Variants in TRHDE observed in about 807,000 individuals in gnomAD.
TRHDE encodes the protein thyrotropin-releasing hormone-degrading ectoenzyme.
Under a neutral mutation model 125.7 loss-of-function variants are expected in TRHDE, and 72 were observed. The observed-to-expected ratio is 0.57, with a 90% CI of 0.47 to 0.70. TRHDE has a LOEUF of 0.70. Ranked by LOEUF, TRHDE falls within the 30% of genes least tolerant of loss-of-function variation. The probability of loss-of-function intolerance (pLI) is 0.00; values close to 1 mark genes in which losing one functional copy is unlikely to be tolerated. For synonymous variants in TRHDE, 509 were observed against 509.1 expected (o/e 1.00, Z 0.00); for missense variants, 1,110 against 1,327.1 (o/e 0.84, Z 2.54).
intron 2 of TRHDE, among the ~76,000 whole-genome samples, chr12:72,361,603 G>A (rs1871087002): frequency 6.7e-6 from 1 of 150,026 alleles, no homozygotes; most frequent in African/African-American, 2.5e-5. Flanking sequence ...GGGTACACGT[G>A]CACAATGTGC....
intron 2 of TRHDE, among the ~76,000 whole-genome samples, chr12:72,124,452 G>C (rs993494277): frequency 3.3e-5 from 5 of 152,044 alleles, no homozygotes; most frequent in Non-Finnish European, 7.4e-5. Context: ...AAATAGAGCT[G>C]GGAACAACAG....
chr12:72,136,620 T>C (rs891668398), intron 2 of TRHDE, among the ~76,000 whole-genome samples: 1 of 152,248 alleles, frequency 6.6e-6, no homozygotes, highest in Non-Finnish European at 1.5e-5. Context: ...TAATATTCTA[T>C]GTTCTGCAAT....
intron 2 of TRHDE, among the ~76,000 whole-genome samples, chr12:72,175,367 C>T (rs979831426): frequency 6.6e-6 from 1 of 152,148 alleles, no homozygotes; most frequent in Non-Finnish European, 1.5e-5. Context: ...GTGGTGTTTG[C>T]AAAAGGGCCT....
intron 3 of TRHDE, among the ~76,000 whole-genome samples, chr12:72,445,142 A>T (rs1278712548): frequency 6.6e-6 from 1 of 151,780 alleles, no homozygotes; most frequent in Non-Finnish European, 1.5e-5. Context: ...TCAGACATTG[A>T]GCATGTTGTG....
At chr12:72,524,541 G>A (rs753833076) in intron 6 of TRHDE, among the ~76,000 whole-genome samples, 1 of 152,086 alleles carries the variant, frequency 6.6e-6, no homozygotes, top group African/African-American at 2.4e-5. Flanking sequence ...GTATTCACTT[G>A]TAATACATAT....
chr12:72,163,663 C>T (rs538572153), intron 2 of TRHDE, among the ~76,000 whole-genome samples: 2 of 152,234 alleles, frequency 1.3e-5, no homozygotes, highest in Admixed American at 6.5e-5. Context: ...TATGTTTGTT[C>T]TGATAACTGA....
chr12:72,365,692 TTGAAAATCTAATCCGAAGCAG>T (rs1210461954), intron 2 of TRHDE, among the ~76,000 whole-genome samples: 1 of 152,120 alleles, frequency 6.6e-6, no homozygotes, highest in East Asian at 1.9e-4. Context: ...CCACAGGAAG[TTGAAAATCTAATCCGAAGCAG>T]TGAATTAACT....
At chr12:72,518,874 G>A (rs1336101363) in intron 6 of TRHDE, among the ~76,000 whole-genome samples, 1 of 152,016 alleles carries the variant, frequency 6.6e-6, no homozygotes. Flanking sequence ...TTGCTTGTCT[G>A]TAAAGTATTT....
chr12:72,600,169 T>C (rs574798163), intron 12 of TRHDE, among the ~76,000 whole-genome samples: 40 of 152,168 alleles, frequency 2.6e-4, no homozygotes, highest in African/African-American at 9.4e-4. Context: ...TATAGTATAG[T>C]TTGAAGTTGG....
intron 2 of TRHDE, among the ~76,000 whole-genome samples, chr12:72,321,309 G>A (rs1869080671): frequency 6.6e-6 from 1 of 152,144 alleles, no homozygotes; most frequent in African/African-American, 2.4e-5. Context: ...TTCTAGGAAA[G>A]AATTGGGGAT....
At chr12:72,195,125 C>T (rs750648251) in intron 2 of TRHDE, among the ~76,000 whole-genome samples, 5 of 152,056 alleles carry the variant, frequency 3.3e-5, no homozygotes, top group Non-Finnish European at 5.9e-5. Context: ...CCATCAGATC[C>T]TGTGAGAACT....
At chr12:72,655,801 G>T (rs916918400) in intron 17 of TRHDE, among the ~76,000 whole-genome samples, 5 of 152,106 alleles carry the variant, frequency 3.3e-5, no homozygotes, top group African/African-American at 1.2e-4. Context: ...CCCACATACT[G>T]ATTGAAAATG....
chr12:72,408,995 A>G (rs1276190965), intron 3 of TRHDE, among the ~76,000 whole-genome samples: 1 of 152,150 alleles, frequency 6.6e-6, no homozygotes, highest in Non-Finnish European at 1.5e-5. Context: ...TTGGCTGCAA[A>G]TGTTCCTGAA....
intron 2 of TRHDE, among the ~76,000 whole-genome samples, chr12:72,345,619 C>T (rs115323016): frequency 6.6e-6 from 1 of 151,964 alleles, no homozygotes; most frequent in African/African-American, 2.4e-5. Context: ...CTTTTGTGAA[C>T]CAGTAGGAGT....
At chr12:72,381,894 C>G (rs1565721096) in intron 3 of TRHDE, among the ~76,000 whole-genome samples, 1 of 152,118 alleles carries the variant, frequency 6.6e-6, no homozygotes, top group Admixed American at 6.5e-5. Flanking sequence ...GTAAGAAATC[C>G]AGGTAGACAG....
intron 12 of TRHDE, among the ~76,000 whole-genome samples, chr12:72,581,550 A>G (rs1431981324): frequency 6.6e-6 from 1 of 152,120 alleles, no homozygotes; most frequent in East Asian, 1.9e-4. Context: ...GGAATATTCA[A>G]TTTTGCAAAA....
At position 72,494,543 on chromosome 12, in the gene TRHDE, TC is replaced by T. The variant is rs1460131287; in HGVS notation, c.1585-4953del. Among the ~76,000 whole-genome samples, 4 of 152,140 alleles carry T rather than the reference TC, an allele frequency of 2.6e-5. No homozygotes were observed. In the East Asian group the frequency reaches 7.7e-4, roughly 29 times the overall value. On this transcript the variant is annotated intron_variant, in intron 5 of 18. Transcript: ENST00000261180. ...CAAAGTATCTGCCTTGTATTGCTCT[TC>T]CTTAAAATTAGTCAGTCTTCCTAGG...
intron 2 of TRHDE, among the ~76,000 whole-genome samples, chr12:72,161,057 T>C (rs760850447): frequency 8.5e-5 from 13 of 152,172 alleles, no homozygotes; most frequent in Admixed American, 7.9e-4. Context: ...TGGCTGCAAA[T>C]TGTACCTGTA....
intron 2 of TRHDE, among the ~76,000 whole-genome samples, chr12:72,125,172 TATC>T (rs1686353148): frequency 6.6e-6 from 1 of 152,216 alleles, no homozygotes; most frequent in Non-Finnish European, 1.5e-5. Flanking sequence ...AAGATTACTT[TATC>T]ATCATAAAAT....
Sources: gnomAD v4.1 joint callset for allele counts (sites outside exome capture counted in the v4.1 genomes callset) on GRCh38, gnomAD v4.1.1 for gene constraint, MANE v1.5 for transcripts, NCBI Gene and HGNC (gene_info 2026-07-23, HGNC 2026-07-21) for gene names.